The following XIAP variants were observed in gnomAD, a reference collection of about 807,000 sequenced individuals.
XIAP encodes the protein E3 ubiquitin-protein ligase XIAP.
Under a neutral mutation model 33.1 loss-of-function variants are expected in XIAP, and 3 were observed. The ratio of observed to expected loss-of-function variants is 0.09; its 90% CI spans 0.04 to 0.23. XIAP has a LOEUF of 0.23. Ranked by LOEUF, XIAP falls within the 10% of genes least tolerant of loss-of-function variation. XIAP has a pLI of 1.00. For synonymous variants in XIAP, 98 were observed against 121.3 expected (o/e 0.81, Z 1.26); for missense variants, 264 against 363.0 (o/e 0.73, Z 2.22).
intron 4 of XIAP, 96 bp downstream of exon 4, chrX:123,891,412 T>TA (rs2053406805): frequency 2.4e-6 from 1 of 420,754 alleles, no homozygotes; most frequent in Non-Finnish European, 4.0e-6. Flanking sequence ...GTTTTATAGT[T>TA]ATTTCTTCAT....
At chrX:123,877,980 A>G (rs933442207) in intron 1 of XIAP, among the ~76,000 whole-genome samples, 3 of 85,366 alleles carry the variant, frequency 3.5e-5, no homozygotes, top group African/African-American at 4.8e-5. Flanking sequence ...AGAAAAAAAA[A>G]AAAAAAGAAT....
At chrX:123,888,925 CT>C (rs375910327) in intron 3 of XIAP, among the ~76,000 whole-genome samples, 37 of 105,378 alleles carry the variant, frequency 3.5e-4, no homozygotes, top group African/African-American at 5.4e-4. Context: ...CAGATTATCC[CT>C]TTTTTTTTTT....
intron 1 of XIAP, among the ~76,000 whole-genome samples, chrX:123,864,991 CTT>C (rs35693982): frequency 2.5e-4 from 22 of 89,238 alleles, no homozygotes; most frequent in South Asian, 5.7e-4. Flanking sequence ...CGCCTTTCTT[CTT>C]TTTTTTTTTT....
At chrX:123,862,030 C>T (rs780565688) in intron 1 of XIAP, among the ~76,000 whole-genome samples, 2 of 111,395 alleles carry the variant, frequency 1.8e-5, no homozygotes, top group East Asian at 2.8e-4. Flanking sequence ...TACTAAAATT[C>T]GAACAATTCA....
At chrX:123,860,661 A>C in intron 1 of XIAP, 1 of 147,566 alleles carries the variant, frequency 6.8e-6, no homozygotes, top group Non-Finnish European at 1.3e-5. Context: ...GGCATATGAA[A>C]CTGAAAGAAT....
In XIAP at chrX:123,907,349, T is replaced by C. The variant is rs1029065840; in HGVS notation, c.*168T>C. Reference sequence around the variant, plus strand: ...TTGGCAATATAATCTTTGAATTTCTTGATTTTTCAGGGTATTAGCTGTATT... The same window carrying C: ...TTGGCAATATAATCTTTGAATTTCTCGATTTTTCAGGGTATTAGCTGTATT... On this transcript the variant is annotated 3_prime_UTR_variant, in exon 7 of 7. Transcript: ENST00000371199. The C allele has an allele frequency of 1.9e-6, 1 of 525,109 alleles. No homozygotes were observed. Among genetic ancestry groups the C allele is most frequent in the African/African-American group, 2.3e-5 (1 of 43,203 alleles). 43.3% of individuals were successfully genotyped at this position (525,109 alleles called of 1,213,427 possible). A position where few individuals can be genotyped will look rare whatever the true frequency, so the allele number is the denominator to read the frequency against.
chrX:123,899,762 A>G (rs1352315298), intron 5 of XIAP, among the ~76,000 whole-genome samples: 1 of 109,090 alleles, frequency 9.2e-6, no homozygotes, highest in African/African-American at 3.3e-5. Context: ...ATATACCACA[A>G]TTTATGTATC....
chrX:123,873,524 A>G (rs1333163080), intron 1 of XIAP, among the ~76,000 whole-genome samples: 4 of 106,635 alleles, frequency 3.8e-5, no homozygotes, highest in African/African-American at 1.3e-4. Flanking sequence ...ACGGTGGCTC[A>G]CGCCTGTAAT....
rs760882653 is a variant in XIAP at position 123,912,865 on chromosome X, A to G, written c.*5684A>G. The stretch of plus-strand genomic sequence containing the variant: ...GAGACAGGGTTTCACCATGTTGGCC[A>G]GGCTAGTCTTGAATTTCTGACCTCA... On this transcript the variant is annotated 3_prime_UTR_variant, in exon 7 of 7. Coordinates refer to ENST00000371199, the MANE Select transcript of XIAP (RefSeq NM_001167.4). 1 of 327,022 alleles carries G rather than the reference A, an allele frequency of 3.1e-6. No homozygotes were observed. The highest frequency in any genetic ancestry group is 5.9e-6 in the Non-Finnish European group (1 of 168,991). The allele number at this position is 327,022 out of a possible 1,213,427, so 27.0% of individuals were successfully genotyped here. A position where few individuals can be genotyped will look rare whatever the true frequency, so the allele number is the denominator to read the frequency against.
At chrX:123,884,955 AAGT>A (rs1398300246) in intron 1 of XIAP, among the ~76,000 whole-genome samples, 2 of 110,072 alleles carry the variant, frequency 1.8e-5, no homozygotes, top group African/African-American at 6.6e-5. Flanking sequence ...AAAAAAAAAA[AAGT>A]AACAGCAATT....
At chrX:123,877,467 A>C (rs770833940) in intron 1 of XIAP, among the ~76,000 whole-genome samples, 147 of 112,514 alleles carry the variant, frequency 1.3e-3, no homozygotes, top group Non-Finnish European at 2.2e-3. Flanking sequence ...ACTGTCAGAG[A>C]ATTTTGTAAT....
rs1367597126 is a variant in XIAP at position 123,860,166 on chromosome X, G to A, written c.-160G>A. Reference sequence around the variant, plus strand: ...AAGGGACTTCCGTTTCCTTCACCTAGGCTGGGGCCAAGCCGCAGAGCGGAG... The same window carrying A: ...AAGGGACTTCCGTTTCCTTCACCTAAGCTGGGGCCAAGCCGCAGAGCGGAG... On this transcript the variant is annotated 5_prime_UTR_variant, in exon 1 of 7. It removes the in-frame stop codon of an upstream open reading frame in the 5' UTR. Transcript: ENST00000371199. The A allele has an allele frequency of 3.0e-6, 1 of 328,681 alleles. No homozygotes were observed. The highest frequency in any genetic ancestry group is 9.8e-5 in the East Asian group (1 of 10,253). The allele number at this position is 328,681 out of a possible 1,213,427, so 27.1% of individuals were successfully genotyped here.
intron 5 of XIAP, among the ~76,000 whole-genome samples, chrX:123,897,148 G>T (rs1485659134): frequency 9.3e-6 from 1 of 107,725 alleles, no homozygotes; most frequent in Non-Finnish European, 1.9e-5. Context: ...GGCTCGTCTC[G>T]AACTCCTGAC....
At chrX:123,881,695 A>C (rs954840854) in intron 1 of XIAP, among the ~76,000 whole-genome samples, 13 of 111,430 alleles carry the variant, frequency 1.2e-4, no homozygotes, top group African/African-American at 4.2e-4. Context: ...TTTCTGAAAT[A>C]GGGTGACTAC....
intron 3 of XIAP, among the ~76,000 whole-genome samples, chrX:123,890,617 G>A (rs2053398516): frequency 1.0e-5 from 1 of 97,891 alleles, no homozygotes; most frequent in Non-Finnish European, 2.0e-5. Context: ...TCCAGCCTGG[G>A]CGACAGAGTG....
In XIAP at chrX:123,911,297, G is replaced by A. The variant is rs1207506936; in HGVS notation, c.*4116G>A. The A allele has an allele frequency of 3.3e-6, 1 of 302,137 alleles. No individual in the cohort carries two copies. Among genetic ancestry groups the A allele is most frequent in the East Asian group, 1.0e-4 (1 of 10,043 alleles). 24.9% of individuals were successfully genotyped at this position (302,137 alleles called of 1,213,427 possible). On this transcript the variant is annotated 3_prime_UTR_variant, in exon 7 of 7. Transcript: ENST00000371199. ...GGTCGAGACCAGCCTGACCAACATG[G>A]AGAAACCCCGTCTCTACTAAAAATA...
At chrX:123,866,918 C>T (rs1317292851) in intron 1 of XIAP, among the ~76,000 whole-genome samples, 1 of 108,711 alleles carries the variant, frequency 9.2e-6, no homozygotes, top group African/African-American at 3.3e-5. Context: ...CCCGCCTCGG[C>T]CTCCCAATGT....
chrX:123,897,214 C>G (rs1349556943), intron 5 of XIAP, among the ~76,000 whole-genome samples: 1 of 111,815 alleles, frequency 8.9e-6, no homozygotes, highest in Non-Finnish European at 1.9e-5. Flanking sequence ...AGGCGTGAGC[C>G]ACCGTGCCCA....
intron 1 of XIAP, among the ~76,000 whole-genome samples, chrX:123,884,459 G>A (rs1332567505): frequency 9.9e-6 from 1 of 101,195 alleles, no homozygotes; most frequent in African/African-American, 3.7e-5. Context: ...CTCCAGCCTG[G>A]GCAGCAAGAG....
Sources: gnomAD v4.1 joint callset for allele counts (sites outside exome capture counted in the v4.1 genomes callset) on GRCh38, gnomAD v4.1.1 for gene constraint, MANE v1.5 for transcripts, NCBI Gene and HGNC (gene_info 2026-07-23, HGNC 2026-07-21) for gene names.